Variants in SCGN observed in about 807,000 individuals in gnomAD.
SCGN encodes secretagogin, EF-hand calcium binding protein.
In SCGN, 30 loss-of-function variants were observed where a neutral mutation model predicts 39.7. The observed-to-expected ratio is 0.76, with a 90% CI of 0.57 to 1.03. The LOEUF is 1.03. SCGN is among the 50% of genes least tolerant of loss of function. The probability of loss-of-function intolerance (pLI) is 0.00; values close to 1 mark genes in which losing one functional copy is unlikely to be tolerated. For missense variants in SCGN, 353 were observed against 349.4 expected, an observed-to-expected ratio of 1.01 and a Z score of -0.08; for synonymous variants, 106 against 114.1, an observed-to-expected ratio of 0.93 and a Z score of 0.45.
At chr6:25,665,582 G>A (rs1760410090) in intron 4 of SCGN, among the ~76,000 whole-genome samples, 1 of 152,086 alleles carries the variant, frequency 6.6e-6, no homozygotes, top group Non-Finnish European at 1.5e-5. Context: ...TTTCCCTCTG[G>A]GCTACCCCCT....
chr6:25,666,958 T>C (rs1246594299), intron 4 of SCGN, among the ~76,000 whole-genome samples: 1 of 152,146 alleles, frequency 6.6e-6, no homozygotes, highest in Non-Finnish European at 1.5e-5. Context: ...ACATTTTTAA[T>C]AAAAATAACA....
chr6:25,671,734 C>G (rs1191544184), intron 6 of SCGN, among the ~76,000 whole-genome samples: 1 of 152,136 alleles, frequency 6.6e-6, no homozygotes, highest in East Asian at 1.9e-4. Flanking sequence ...CAGTGAAGCC[C>G]TCTAATAGAA....
chr6:25,664,955 T>C lies in SCGN; in HGVS notation c.259T>C (p.Phe87Leu), dbSNP rs1760401389. 2 of 1,613,802 alleles carry C rather than the reference T, an allele frequency of 1.2e-6. No homozygotes were observed. Among genetic ancestry groups the C allele is most frequent in the South Asian group, 1.1e-5 (1 of 91,068 alleles). Residue 87 changes from phenylalanine (F) to leucine (L), a missense_variant, in exon 4 of 11, where the codon TTC becomes CTC. Phe to Leu is a conservative substitution (Grantham distance 22). Transcript: ENST00000377961. ...RIRMKELAGM[F>L]LSEDENFLLL... is the part of the protein sequence containing the mutation. ...TCTGTTCCTTCAGCTTGCTGGTATG[T>C]TCTTATCTGAGGATGAAAACTTTCT...
Position 25,689,190 on chromosome 6 carries a change from A to T in SCGN, c.546A>T (p.Glu182Asp). Residue 182 changes from glutamate (E) to aspartate (D), a missense_variant, in exon 8 of 11, where the codon GAA becomes GAT. Physicochemically the swap from Glu to Asp is conservative, Grantham distance 45. Transcript: ENST00000377961. ...NDLARILALQ[E>D]NFLLQFKMDA... Reference sequence around the variant, plus strand: ...TATTTAGGATTCTGGCTCTTCAGGAAAACTTCCTTCTCCAATTTAAAATGG... The same window carrying T: ...TATTTAGGATTCTGGCTCTTCAGGATAACTTCCTTCTCCAATTTAAAATGG... 6.3e-7 allele frequency: 1 copy of T among 1,598,236 alleles called. No homozygotes were observed. The highest frequency in any genetic ancestry group is 8.5e-7 in the Non-Finnish European group (1 of 1,170,440).
intron 8 of SCGN, 27 bp downstream of exon 8, chr6:25,689,244 GT>G: frequency 6.6e-7 from 1 of 1,515,764 alleles, no homozygotes; most frequent in Non-Finnish European, 9.1e-7. Context: ...CTCTAGATGG[GT>G]TTATGTCATT....
At chr6:25,667,501 A>G (rs1010813293) in intron 4 of SCGN, among the ~76,000 whole-genome samples, 1 of 152,138 alleles carries the variant, frequency 6.6e-6, no homozygotes, top group Non-Finnish European at 1.5e-5. Context: ...ACTCTTACCC[A>G]CCAGCTCATG....
At chr6:25,691,325 C>T (rs184639039) in intron 10 of SCGN, among the ~76,000 whole-genome samples, 1 of 152,314 alleles carries the variant, frequency 6.6e-6, no homozygotes, top group East Asian at 1.9e-4. Flanking sequence ...TTACATGAAG[C>T]TATCATACAA....
intron 4 of SCGN, among the ~76,000 whole-genome samples, chr6:25,666,327 C>A (rs997722807): frequency 2.0e-5 from 3 of 152,042 alleles, no homozygotes; most frequent in African/African-American, 4.8e-5. Context: ...TGCACTCCAG[C>A]CTCAGTGACA....
Position 25,655,050 on chromosome 6 carries a change from C to G in SCGN, c.153+1598C>G, listed in dbSNP as rs180946060. On this transcript the variant is annotated intron_variant, in intron 2 of 10. Transcript: ENST00000377961. ...CCATGGTGAAGCCCACCAGCCTTGC[C>G]CACAGGGCTTCTACTTATATCTGTA... Among the ~76,000 whole-genome samples, 28 of 152,338 alleles carry G rather than the reference C, an allele frequency of 1.8e-4. No homozygotes were observed. The East Asian group carries it at 4.8e-3, about 26-fold the overall frequency.
chr6:25,684,845 A>T (rs1267181769), intron 7 of SCGN, among the ~76,000 whole-genome samples: 1 of 152,184 alleles, frequency 6.6e-6, no homozygotes, highest in Non-Finnish European at 1.5e-5. Flanking sequence ...CCACATCCTA[A>T]TATCCAGAAC....
chr6:25,692,152 A>G (rs1196581195), intron 10 of SCGN, among the ~76,000 whole-genome samples: 1 of 152,208 alleles, frequency 6.6e-6, no homozygotes, highest in Non-Finnish European at 1.5e-5. Context: ...CACAGCCAGA[A>G]TAACTGATGA....
chr6:25,658,003 C>CTTTTTTTTTTTTTTTTTTTTTTTT (rs759915721), intron 2 of SCGN, among the ~76,000 whole-genome samples: 2 of 70,380 alleles, frequency 2.8e-5, no homozygotes, highest in Admixed American at 1.9e-4. Context: ...GAAAGGTATC[C>CTTTTTTTTTTTTTTTTTTTTTTTT]TTTTTTTTTT....
chr6:25,689,378 A>G, intron 8 of SCGN, 95 bp from the exon 9 acceptor site: 1 of 1,260,818 alleles, frequency 7.9e-7, no homozygotes, highest in South Asian at 1.3e-5. Flanking sequence ...AAGGTCATTG[A>G]CTCAAAGTTT....
chr6:25,667,847 C>T (rs12524429), intron 4 of SCGN, among the ~76,000 whole-genome samples: 1 of 151,904 alleles, frequency 6.6e-6, no homozygotes, highest in Non-Finnish European at 1.5e-5. Context: ...AGTAAAACTA[C>T]ACAATAATTT....
At chr6:25,689,380 T>TC in intron 8 of SCGN, 93 bp from the exon 9 acceptor site, 1 of 1,288,562 alleles carries the variant, frequency 7.8e-7, no homozygotes, top group Non-Finnish European at 1.1e-6. Context: ...GGTCATTGAC[T>TC]CAAAGTTTAC....
At chr6:25,657,330 C>T (rs1344746995) in intron 2 of SCGN, among the ~76,000 whole-genome samples, 2 of 152,184 alleles carry the variant, frequency 1.3e-5, no homozygotes, top group African/African-American at 4.8e-5. Flanking sequence ...TTCCCTGTCT[C>T]TCCATCTAGA....
At chr6:25,663,755 AATGAG>A (rs1760380849) in intron 3 of SCGN, among the ~76,000 whole-genome samples, 1 of 152,222 alleles carries the variant, frequency 6.6e-6, no homozygotes, top group African/African-American at 2.4e-5. Context: ...GTGAGGACTT[AATGAG>A]ATGATAAATC....
At chr6:25,670,773 G>C (rs763897518) in intron 6 of SCGN, among the ~76,000 whole-genome samples, 1 of 152,168 alleles carries the variant, frequency 6.6e-6, no homozygotes, top group African/African-American at 2.4e-5. Flanking sequence ...GCTCCATGGA[G>C]AGTAGTAAAG....
In SCGN at chr6:25,691,135, GTTC is replaced by G. The variant is rs759616971; in HGVS notation, c.702+17_702+19del. The G allele has an allele frequency of 8.1e-6, 13 of 1,600,038 alleles. No individual in the cohort carries two copies. The highest frequency in any genetic ancestry group is 1.1e-5 in the South Asian group (1 of 90,360). ...ATGGAGCTTGTCCAGGTGAGTGCAC[GTTC>G]TTCTTATTATGAAGTGGGGTTGTTG... On this transcript the variant is annotated intron_variant, in intron 10 of 10. Transcript: ENST00000377961.
Sources: gnomAD v4.1 joint callset for allele counts (sites outside exome capture counted in the v4.1 genomes callset) on GRCh38, gnomAD v4.1.1 for gene constraint, MANE v1.5 for transcripts, NCBI Gene and HGNC (gene_info 2026-07-23, HGNC 2026-07-21) for gene names.